The following AGBL1 variants were observed in gnomAD, a reference collection of about 807,000 sequenced individuals.
The protein encoded by AGBL1 is cytosolic carboxypeptidase 4.
A neutral mutation model predicts 118.9 loss-of-function variants in AGBL1; 130 were observed. The ratio of observed to expected loss-of-function variants is 1.09; its 90% CI spans 0.95 to 1.26. The LOEUF (loss-of-function observed/expected upper bound fraction) is 1.26, where lower values mean the gene tolerates loss of function less well. Among genes scored for constraint, AGBL1 ranks in the 50% most tolerant of loss-of-function variants. AGBL1 has a pLI of 0.00. For missense variants in AGBL1, 1,584 were observed against 1,298.1 expected, an observed-to-expected ratio of 1.22 and a Z score of -3.38; for synonymous variants, 555 against 478.9, an observed-to-expected ratio of 1.16 and a Z score of -2.08.
At position 86,378,083 on chromosome 15, in the gene AGBL1, A is replaced by G. The variant is rs117662973; in HGVS notation, c.2375-19283A>G. On this transcript the variant is annotated intron_variant, in intron 17 of 22. Coordinates refer to ENST00000614907, the MANE Select transcript of AGBL1 (RefSeq NM_001386094.1). ...CATTTTGCCTACGGACCAACTTAGCATCTAAAACAGTCATACCACAGTGTG... is the reference window on the plus strand; with the variant it reads ...CATTTTGCCTACGGACCAACTTAGCGTCTAAAACAGTCATACCACAGTGTG... Among the ~76,000 whole-genome samples the G allele has an allele frequency of 2.3e-3, 345 of 152,324 alleles. 2 individuals are homozygous for G. Among genetic ancestry groups the G allele is most frequent in the Non-Finnish European group, 4.2e-3 (288 of 68,024 alleles).
At chr15:86,214,139 C>G (rs2078146800) in intron 5 of AGBL1, among the ~76,000 whole-genome samples, 1 of 152,198 alleles carries the variant, frequency 6.6e-6, no homozygotes, top group Non-Finnish European at 1.5e-5. Context: ...AGATAACAGT[C>G]AGGTTTGTCT....
At chr15:86,845,876 T>G (rs2347244) in intron 22 of AGBL1, among the ~76,000 whole-genome samples, 81,906 of 151,950 alleles carry the variant, frequency 0.54, 22,376 homozygotes, top group South Asian at 0.61. Flanking sequence ...AATATGTATA[T>G]CTTTTCTCCC....
intron 18 of AGBL1, among the ~76,000 whole-genome samples, chr15:86,399,425 C>T (rs2081412829): frequency 6.6e-6 from 1 of 152,154 alleles, no homozygotes; most frequent in African/African-American, 2.4e-5. Context: ...TCTGAAATCT[C>T]TCCTTCGCTG....
chr15:86,608,012 T>C (rs1442817833), intron 21 of AGBL1, among the ~76,000 whole-genome samples: 1 of 152,178 alleles, frequency 6.6e-6, no homozygotes, highest in Non-Finnish European at 1.5e-5. Context: ...AACCAAGTCT[T>C]ATCTTCTTTC....
chr15:86,533,564 G>A (rs1259795806), intron 19 of AGBL1, among the ~76,000 whole-genome samples: 1 of 135,076 alleles, frequency 7.4e-6, no homozygotes, highest in African/African-American at 3.1e-5. Flanking sequence ...CGATTCCTCA[G>A]GGATCTAGAA....
At chr15:86,319,329 T>C (rs62015577) in intron 17 of AGBL1, among the ~76,000 whole-genome samples, 15,137 of 152,254 alleles carry the variant, frequency 0.099, 949 homozygotes, top group Middle Eastern at 0.17. Context: ...TGGCTAACTT[T>C]CTGATTTTTG....
At chr15:86,945,579 G>A (rs1482237453) in intron 23 of AGBL1, among the ~76,000 whole-genome samples, 1 of 152,088 alleles carries the variant, frequency 6.6e-6, no homozygotes, top group Non-Finnish European at 1.5e-5. Flanking sequence ...AGGCTGAGGT[G>A]GGAAGATCAC....
chr15:86,473,410 C>A (rs1310264824), intron 18 of AGBL1, among the ~76,000 whole-genome samples: 1 of 151,968 alleles, frequency 6.6e-6, no homozygotes, highest in East Asian at 1.9e-4. Context: ...CCAGTAAATA[C>A]AAATTAAAGT....
chr15:86,724,235 C>CAAAAAAAAAAA (rs1204898095), intron 22 of AGBL1, among the ~76,000 whole-genome samples: 2 of 73,834 alleles, frequency 2.7e-5, no homozygotes, highest in East Asian at 4.7e-4. Context: ...GACTCCATCT[C>CAAAAAAAAAAA]AAAAAAAAAA....
chr15:86,630,460 G>A (rs2084946217), intron 21 of AGBL1: 1 of 152,214 alleles, frequency 6.6e-6, no homozygotes, highest in South Asian at 2.1e-4. Flanking sequence ...GGCAATTAAG[G>A]GCAATAAGTG....
intron 20 of AGBL1, among the ~76,000 whole-genome samples, chr15:86,552,137 CTT>C (rs1204051772): frequency 6.6e-6 from 1 of 152,084 alleles, no homozygotes; most frequent in East Asian, 1.9e-4. Context: ...AAACTATAGA[CTT>C]TGAGTGATGA....
chr15:86,989,067 T>C lies in AGBL1; in HGVS notation c.3323+979T>C, dbSNP rs146032477. On this transcript the variant is annotated intron_variant, in intron 24 of 24. Coordinates refer to the AGBL1 transcript ENST00000441037. ...CCCAGGCTGGAGTGCAATGGTGTGA[T>C]CATAGCTAACTGCAGCTTTGATCCT... 6.2e-3 allele frequency among the ~76,000 whole-genome samples: 923 copies of C among 150,054 alleles called. 8 individuals carry two copies. Among genetic ancestry groups the C allele is most frequent in the Middle Eastern group, 0.017 (5 of 292 alleles).
intron 21 of AGBL1, among the ~76,000 whole-genome samples, chr15:86,645,922 A>G (rs141149009): frequency 6.6e-6 from 1 of 152,312 alleles, no homozygotes; most frequent in East Asian, 1.9e-4. Context: ...AAAAGCCTCA[A>G]ATTCCTCAGC....
intron 6 of AGBL1, among the ~76,000 whole-genome samples, chr15:86,226,805 T>C (rs2078371999): frequency 6.6e-6 from 1 of 152,196 alleles, no homozygotes; most frequent in Non-Finnish European, 1.5e-5. Flanking sequence ...AAATCCTTTC[T>C]CTGACTACCA....
intron 21 of AGBL1, among the ~76,000 whole-genome samples, chr15:86,604,002 T>C (rs1406578735): frequency 2.0e-5 from 3 of 152,178 alleles, no homozygotes; most frequent in Non-Finnish European, 4.4e-5. Context: ...CAAATATTTC[T>C]GCTTTAAGAT....
intron 17 of AGBL1, among the ~76,000 whole-genome samples, chr15:86,368,028 T>A (rs1444495203): frequency 6.6e-6 from 1 of 152,138 alleles, no homozygotes; most frequent in Non-Finnish European, 1.5e-5. Context: ...CTGGGTTTGG[T>A]TCCCCTCCCA....
At chr15:86,635,262 CCCTCCTCCTCCT>C (rs1177858508) in intron 21 of AGBL1, among the ~76,000 whole-genome samples, 88 of 73,158 alleles carry the variant, frequency 1.2e-3, no homozygotes, top group East Asian at 0.012. Flanking sequence ...CTCCCCCTCC[CCCTCCTCCTCCT>C]CCTCCTTCCC....
intron 23 of AGBL1, among the ~76,000 whole-genome samples, chr15:86,930,207 C>CAGTT: frequency 6.6e-6 from 1 of 152,278 alleles, no homozygotes; most frequent in Non-Finnish European, 1.5e-5. Context: ...ATCCTTGTTC[C>CAGTT]AGTTAACTGC....
intron 19 of AGBL1, among the ~76,000 whole-genome samples, chr15:86,527,612 C>A (rs901869651): frequency 6.6e-6 from 1 of 152,104 alleles, no homozygotes; most frequent in Non-Finnish European, 1.5e-5. Flanking sequence ...ATTTCCACTG[C>A]GACGAGATTA....
Sources: gnomAD v4.1 joint callset for allele counts (sites outside exome capture counted in the v4.1 genomes callset) on GRCh38, gnomAD v4.1.1 for gene constraint, MANE v1.5 for transcripts, NCBI Gene and HGNC (gene_info 2026-07-23, HGNC 2026-07-21) for gene names.